PEX13: variants seen among roughly 807,000 people sequenced by gnomAD.
PEX13 encodes the protein peroxisome biogenesis factor 13.
Under a neutral mutation model 34.5 loss-of-function variants are expected in PEX13, and 28 were observed. That is an observed-to-expected ratio of 0.81 (90% CI 0.60 to 1.11). The LOEUF (loss-of-function observed/expected upper bound fraction) is 1.11, where lower values mean the gene tolerates loss of function less well. Ranked by LOEUF, PEX13 falls within the 50% of genes most tolerant of loss-of-function variation. The pLI, the probability that PEX13 is intolerant of heterozygous loss-of-function variation, is 0.00. For synonymous variants in PEX13, 177 were observed against 175.1 expected (o/e 1.01, Z -0.09); for missense variants, 550 against 491.0 (o/e 1.12, Z -1.13).
At chr2:61,036,484 T>G (rs1367089645) in intron 2 of PEX13, among the ~76,000 whole-genome samples, 1 of 151,750 alleles carries the variant, frequency 6.6e-6, no homozygotes, top group Non-Finnish European at 1.5e-5. Context: ...TCAACATTCT[T>G]AAAAGAATTT....
At chr2:61,040,772 T>C (rs1274306777) in intron 2 of PEX13, among the ~76,000 whole-genome samples, 1 of 148,008 alleles carries the variant, frequency 6.8e-6, no homozygotes, top group Non-Finnish European at 1.5e-5. Flanking sequence ...CATATATATA[T>C]ATACCTATAT....
chr2:61,030,681 A>G (rs1680435583), intron 1 of PEX13, among the ~76,000 whole-genome samples: 1 of 152,220 alleles, frequency 6.6e-6, no homozygotes, highest in Non-Finnish European at 1.5e-5. Flanking sequence ...CATATAAAAT[A>G]AGTATATGTA....
At chr2:61,032,839 T>TA (rs2104804226) in intron 2 of PEX13, among the ~76,000 whole-genome samples, 1 of 152,300 alleles carries the variant, frequency 6.6e-6, no homozygotes, top group South Asian at 2.1e-4. Context: ...AAACAAAAAC[T>TA]ATCAAGCTGA....
intron 1 of PEX13, among the ~76,000 whole-genome samples, chr2:61,026,067 A>G (rs1680349300): frequency 6.6e-6 from 1 of 152,020 alleles, no homozygotes. Flanking sequence ...GAAACGCCTG[A>G]AAAGATCTGG....
chr2:61,037,021 G>C (rs941434561), intron 2 of PEX13, among the ~76,000 whole-genome samples: 1 of 151,580 alleles, frequency 6.6e-6, no homozygotes, highest in African/African-American at 2.4e-5. Context: ...AAGATCAAAA[G>C]AGACAAGGCC....
intron 1 of PEX13, chr2:61,018,264 G>C (rs753252604): frequency 6.4e-7 from 1 of 1,550,994 alleles, no homozygotes; most frequent in East Asian, 2.4e-5. Context: ...CTCCTTAAAG[G>C]TGTTAACCTC....
chr2:61,021,464 G>GCCT (rs1336044575), intron 1 of PEX13, among the ~76,000 whole-genome samples: 424 of 152,278 alleles, frequency 2.8e-3, no homozygotes, highest in African/African-American at 9.5e-3. Context: ...GCCTGGCAGG[G>GCCT]GGAGGGGAAT....
chr2:61,040,746 T>C (rs1179394912), intron 2 of PEX13, among the ~76,000 whole-genome samples: 1 of 148,074 alleles, frequency 6.8e-6, no homozygotes, highest in African/African-American at 2.5e-5. Context: ...AATGTAAATA[T>C]ATATATAGGT....
chr2:61,045,107 A>G (rs1373225177), intron 2 of PEX13, among the ~76,000 whole-genome samples: 3 of 152,220 alleles, frequency 2.0e-5, no homozygotes, highest in Non-Finnish European at 4.4e-5. Flanking sequence ...TACTCTCCCA[A>G]CTAATAAATA....
chr2:61,040,001 A>T (rs192204337), intron 2 of PEX13, among the ~76,000 whole-genome samples: 154 of 152,332 alleles, frequency 1.0e-3, no homozygotes, highest in African/African-American at 3.6e-3. Flanking sequence ...GCTCATCATC[A>T]CTGGTCATCA....
chr2:61,031,895 A>G lies in PEX13; in HGVS notation c.569A>G (p.Tyr190Cys), dbSNP rs763396088. 1.2e-5 allele frequency: 20 copies of G among 1,613,766 alleles called. No individual in the cohort carries two copies. Among genetic ancestry groups the G allele is most frequent in the Non-Finnish European group, 1.6e-5 (19 of 1,179,736 alleles). The change falls in exon 2 of 4, where the codon TAT becomes TGT. Residue 190 changes from tyrosine to cysteine, a missense_variant. Transcript: ENST00000295030. ...TTTGCATTGGTTAGGACTATACGGT[A>G]TCTTTACAGACGGCTACAGCGGATG... is the stretch of plus-strand genomic sequence containing the variant. ...SAFALVRTIR[Y>C]LYRRLQRMLG...
At chr2:61,038,694 A>G (rs1371241464) in intron 2 of PEX13, among the ~76,000 whole-genome samples, 1 of 152,242 alleles carries the variant, frequency 6.6e-6, no homozygotes, top group Non-Finnish European at 1.5e-5. Context: ...GAAAACCAGC[A>G]CAAGACAAGG....
At chr2:61,026,036 G>T (rs970145159) in intron 1 of PEX13, among the ~76,000 whole-genome samples, 3 of 151,792 alleles carry the variant, frequency 2.0e-5, no homozygotes, top group Non-Finnish European at 4.4e-5. Context: ...ATCTCTTCTG[G>T]AATTGGCCCT....
chr2:61,020,837 T>G (rs777592498), intron 1 of PEX13, among the ~76,000 whole-genome samples: 2 of 152,014 alleles, frequency 1.3e-5, no homozygotes, highest in African/African-American at 4.8e-5. Context: ...GTATTTTTAA[T>G]AGAGATGGGG....
intron 2 of PEX13, among the ~76,000 whole-genome samples, chr2:61,042,318 C>A (rs1338548124): frequency 6.6e-6 from 1 of 152,094 alleles, no homozygotes; most frequent in African/African-American, 2.4e-5. Context: ...GCTCTGCCCA[C>A]TACAAATTTC....
Position 61,031,669 on chromosome 2 carries a change from C to T in PEX13, c.343C>T (p.Pro115Ser). Reference protein sequence around the residue: ...YNRLRVDDLPPSRFVQQAEES... With the variant: ...YNRLRVDDLPSSRFVQQAEES... ...CCGCCTCCGTGTAGATGATCTTCCA[C>T]CCAGTAGATTTGTTCAGCAAGCTGA... The change falls in exon 2 of 4, where the codon CCC (proline) becomes TCC (serine). Residue 115 changes from proline to serine, a missense_variant. Physicochemically the swap from Pro to Ser is moderately conservative, Grantham distance 74. Coordinates refer to ENST00000295030, the MANE Select transcript of PEX13 (RefSeq NM_002618.4). 3 of 1,614,106 alleles carry T rather than the reference C, an allele frequency of 1.9e-6. No homozygotes were observed. The South Asian group carries it at 3.3e-5, about 18-fold the overall frequency.
intron 2 of PEX13, among the ~76,000 whole-genome samples, chr2:61,035,516 A>G (rs914626094): frequency 1.3e-5 from 2 of 152,222 alleles, no homozygotes; most frequent in Non-Finnish European, 1.5e-5. Context: ...GGTAATAACA[A>G]ACGTCTCGGA....
At chr2:61,046,323 G>A (rs1287533871) in intron 3 of PEX13, among the ~76,000 whole-genome samples, 1 of 152,136 alleles carries the variant, frequency 6.6e-6, no homozygotes, top group Non-Finnish European at 1.5e-5. Flanking sequence ...TAGAACCCCA[G>A]CAAGAGATTT....
chr2:61,047,278 C>T (rs1680718087), intron 3 of PEX13, among the ~76,000 whole-genome samples: 1 of 152,094 alleles, frequency 6.6e-6, no homozygotes, highest in South Asian at 2.1e-4. Context: ...GCCTCAGCCT[C>T]CTGAGTTGCT....
Sources: allele counts gnomAD v4.1 joint callset (sites outside exome capture counted in the v4.1 genomes callset), GRCh38; gene constraint gnomAD v4.1.1; transcripts MANE v1.5; gene names NCBI Gene and HGNC (gene_info 2026-07-23, HGNC 2026-07-21).